TBCK: variants seen among roughly 807,000 people sequenced by gnomAD.
TBCK encodes TBC domain-containing protein kinase-like protein.
A neutral mutation model predicts 113.4 loss-of-function variants in TBCK; 99 were observed. That is an observed-to-expected ratio of 0.87 (90% CI 0.74 to 1.03). The LOEUF (loss-of-function observed/expected upper bound fraction) is 1.03, where lower values mean the gene tolerates loss of function less well. Ranked by LOEUF, TBCK falls within the 50% of genes least tolerant of loss-of-function variation. The pLI is 0.00. For missense variants in TBCK, 1,045 were observed against 1,061.3 expected (o/e 0.98, Z 0.21); for synonymous variants, 369 against 370.8 (o/e 1.00, Z 0.05).
intron 22 of TBCK, among the ~76,000 whole-genome samples, chr4:106,183,754 A>G (rs1317522017): frequency 6.6e-6 from 1 of 152,042 alleles, no homozygotes; most frequent in Non-Finnish European, 1.5e-5. Context: ...TGTTTTCCAA[A>G]AGTAATTACA....
chr4:106,215,674 A>AAT (rs1756800834), intron 19 of TBCK, among the ~76,000 whole-genome samples: 1 of 152,124 alleles, frequency 6.6e-6, no homozygotes, highest in African/African-American at 2.4e-5. Flanking sequence ...AACTATCCTA[A>AAT]ATATATATGC....
chr4:106,156,034 G>T (rs1384367187), intron 23 of TBCK, among the ~76,000 whole-genome samples: 1 of 151,992 alleles, frequency 6.6e-6, no homozygotes, highest in Non-Finnish European at 1.5e-5. Context: ...TTCCTGCAAG[G>T]CTTTTCAGGT....
intron 24 of TBCK, among the ~76,000 whole-genome samples, chr4:106,110,656 A>T (rs1742736049): frequency 6.6e-6 from 1 of 152,174 alleles, no homozygotes; most frequent in African/African-American, 2.4e-5. Context: ...CTTAAACAAC[A>T]TGATGTACAA....
Position 106,245,433 on chromosome 4 carries a change from C to G in TBCK, c.932-669G>C, listed in dbSNP as rs550521884. Among the ~76,000 whole-genome samples the G allele has an allele frequency of 4.0e-3, 613 of 152,302 alleles. 2 individuals carry two copies. The highest frequency in any genetic ancestry group is 4.6e-3 in the Non-Finnish European group (312 of 68,018). ...AGGGGAAATACCAAAATGCAGCCAG[C>G]TCTAGCCTTCTATGTGGTGGTTAAG... On this transcript the variant is annotated intron_variant, in intron 10 of 25. Coordinates refer to ENST00000394708, the MANE Select transcript of TBCK (RefSeq NM_001163435.3).
At chr4:106,185,049 C>T (rs1234080751) in intron 22 of TBCK, among the ~76,000 whole-genome samples, 6 of 152,034 alleles carry the variant, frequency 3.9e-5, no homozygotes, top group East Asian at 1.9e-4. Flanking sequence ...TTACACTTCA[C>T]GGTGAATCAG....
chr4:106,214,715 T>G (rs1263169399), intron 19 of TBCK, among the ~76,000 whole-genome samples: 8 of 151,862 alleles, frequency 5.3e-5, no homozygotes, highest in Non-Finnish European at 8.8e-5. Flanking sequence ...TGGGACTATG[T>G]GAAAAGACCA....
chr4:106,297,046 A>G (rs1289739499), intron 2 of TBCK, among the ~76,000 whole-genome samples: 2 of 152,082 alleles, frequency 1.3e-5, no homozygotes, highest in African/African-American at 2.4e-5. Context: ...TTTTCCTTAC[A>G]TTTATCTGGC....
chr4:106,308,712 T>A, intron 2 of TBCK, 56 bp downstream of exon 2: 1 of 1,478,692 alleles, frequency 6.8e-7, no homozygotes. Flanking sequence ...ATAGTATTTA[T>A]AACTTAGGGT....
At chr4:106,266,831 TTTAAG>T (rs1278456254) in intron 3 of TBCK, among the ~76,000 whole-genome samples, 2 of 151,948 alleles carry the variant, frequency 1.3e-5, no homozygotes, top group African/African-American at 4.8e-5. Context: ...TTACTAGCTT[TTTAAG>T]TTATATTCTT....
intron 3 of TBCK, among the ~76,000 whole-genome samples, chr4:106,291,362 G>A (rs116558029): frequency 2.6e-3 from 391 of 152,292 alleles, no homozygotes; most frequent in South Asian, 0.017. Context: ...TGAGACAGCA[G>A]AAGACTCTAA....
chr4:106,089,544 C>T (rs991472232), intron 25 of TBCK, among the ~76,000 whole-genome samples: 4 of 152,194 alleles, frequency 2.6e-5, no homozygotes, highest in Non-Finnish European at 5.9e-5. Flanking sequence ...TAACTCAAGT[C>T]TCAAGTGCCA....
At chr4:106,107,757 T>A (rs1425587960) in intron 24 of TBCK, among the ~76,000 whole-genome samples, 1 of 152,028 alleles carries the variant, frequency 6.6e-6, no homozygotes, top group East Asian at 1.9e-4. Context: ...ACCTCAAAGC[T>A]AATAGAACTG....
At chr4:106,128,607 A>C (rs1453597013) in intron 23 of TBCK, among the ~76,000 whole-genome samples, 3 of 152,156 alleles carry the variant, frequency 2.0e-5, no homozygotes, top group Non-Finnish European at 4.4e-5. Flanking sequence ...ATATTTAAAG[A>C]AAATGAAATA....
At chr4:106,092,576 T>A (rs1411209588) in intron 25 of TBCK, among the ~76,000 whole-genome samples, 5 of 152,050 alleles carry the variant, frequency 3.3e-5, no homozygotes, top group African/African-American at 1.2e-4. Context: ...CGGTGAGAAA[T>A]CAAGTGCAGC....
intron 25 of TBCK, among the ~76,000 whole-genome samples, chr4:106,074,522 T>C (rs1394607852): frequency 6.6e-6 from 1 of 152,202 alleles, no homozygotes; most frequent in Non-Finnish European, 1.5e-5. Flanking sequence ...GCCCCTTTTA[T>C]GATGACTTAG....
intron 3 of TBCK, among the ~76,000 whole-genome samples, chr4:106,274,716 A>G (rs1763831008): frequency 6.6e-6 from 1 of 152,152 alleles, no homozygotes; most frequent in Non-Finnish European, 1.5e-5. Flanking sequence ...AGTGATGAAA[A>G]TGTTCTAGAA....
rs199666722 is a variant in TBCK, at chr4:106,067,481, T to C, written c.2572-20801A>G. 1.2e-4 allele frequency among the ~76,000 whole-genome samples: 19 copies of C among 152,258 alleles called. 1 individual carries two copies. The East Asian group carries it at 3.5e-3, about 28-fold the overall frequency. On this transcript the variant is annotated intron_variant, in intron 25 of 25. Coordinates refer to ENST00000394708, the MANE Select transcript of TBCK (RefSeq NM_001163435.3). The stretch of plus-strand genomic sequence containing the variant: ...TTGTCTTTTCACTCTCTTCAAAGTG[T>C]CCTTTGAAGCACAAATTCTTACTTT...
At chr4:106,221,627 T>A (rs897807309) in intron 19 of TBCK, among the ~76,000 whole-genome samples, 1 of 151,642 alleles carries the variant, frequency 6.6e-6, no homozygotes, top group African/African-American at 2.4e-5. Context: ...AAAATAAATA[T>A]ATGCCTTTTG....
At chr4:106,168,931 A>G (rs1023254554) in intron 23 of TBCK, among the ~76,000 whole-genome samples, 3 of 152,040 alleles carry the variant, frequency 2.0e-5, no homozygotes, top group African/African-American at 7.2e-5. Context: ...AAATGTTCCA[A>G]AATCGGAAAC....
Sources: allele counts gnomAD v4.1 joint callset (sites outside exome capture counted in the v4.1 genomes callset), GRCh38; gene constraint gnomAD v4.1.1; transcripts MANE v1.5; gene names NCBI Gene and HGNC (gene_info 2026-07-23, HGNC 2026-07-21).